Variants in ACER1 observed in about 807,000 individuals in gnomAD.
ACER1 encodes the protein CTB-180A7.3.
ACER1 carries 28 observed loss-of-function variants against 24.9 expected under a neutral mutation model. The observed-to-expected ratio is 1.13, with a 90% confidence interval of 0.83 to 1.54. The LOEUF (loss-of-function observed/expected upper bound fraction) is 1.54. ACER1 is among the 40% of genes most tolerant of loss of function. The pLI, the probability that ACER1 is intolerant of heterozygous loss-of-function variation, is 0.00. For missense variants in ACER1, 352 were observed against 349.3 expected (o/e 1.01, Z -0.06); for synonymous variants, 132 against 131.4 (o/e 1.00, Z -0.03).
At chr19:6,332,292 A>T (rs1437214969) in intron 1 of ACER1, among the ~76,000 whole-genome samples, 23 of 102,762 alleles carry the variant, frequency 2.2e-4, no homozygotes, top group African/African-American at 8.6e-4. Flanking sequence ...TTTTTTTGAG[A>T]CAGGGTCTCC....
At chr19:6,330,413 C>T (rs771864761) in intron 1 of ACER1, among the ~76,000 whole-genome samples, 2 of 150,146 alleles carry the variant, frequency 1.3e-5, no homozygotes, top group Non-Finnish European at 2.9e-5. Context: ...AATGATCTAC[C>T]TGCCTCGGCC....
chr19:6,336,837 A>G (rs1296512956), upstream of ACER1, among the ~76,000 whole-genome samples: 4 of 148,326 alleles, frequency 2.7e-5, no homozygotes, highest in Non-Finnish European at 5.9e-5. Flanking sequence ...AAAAAAAAAA[A>G]GAAAAAGAAA....
intron 1 of ACER1, among the ~76,000 whole-genome samples, chr19:6,325,912 T>C (rs1452473711): frequency 6.6e-6 from 1 of 151,962 alleles, no homozygotes; most frequent in Non-Finnish European, 1.5e-5. Context: ...TCATTCTTTT[T>C]AGATTTGGTT....
chr19:6,321,140 C>CT (rs879600910), intron 1 of ACER1, among the ~76,000 whole-genome samples: 232 of 144,032 alleles, frequency 1.6e-3, no homozygotes, highest in Admixed American at 1.7e-3. Context: ...AATTTTCTTT[C>CT]TTTTTTTTTT....
Position 6,307,214 on chromosome 19 carries a change from T to C in ACER1, c.565A>G (p.Ser189Gly). The C allele has an allele frequency of 6.2e-7, 1 of 1,614,178 alleles. No homozygotes were observed. Among genetic ancestry groups the C allele is most frequent in the Middle Eastern group, 1.6e-4 (1 of 6,062 alleles). ...CAGAAGCTGCAAAGCAGACGGTCACTGATCCAGCTGGTCAGAGCAACAGCC... is the reference window on the plus strand; with the variant it reads ...CAGAAGCTGCAAAGCAGACGGTCACCGATCCAGCTGGTCAGAGCAACAGCC... ...LWAVALTSWI[S>G]DRLLCSFWQR... is the part of the protein sequence containing the mutation. The change falls in exon 5 of 6, where the codon AGT (serine) becomes GGT (glycine). Residue 189 changes from serine (S) to glycine (G), a missense_variant. Transcript: ENST00000301452.
intron 4 of ACER1, among the ~76,000 whole-genome samples, chr19:6,308,621 C>A (rs1036989626): frequency 1.5e-4 from 23 of 152,128 alleles, no homozygotes; most frequent in African/African-American, 5.1e-4. Context: ...CCAACAAGCC[C>A]TTTGGTGCTT....
chr19:6,330,289 T>A lies in ACER1; in HGVS notation c.93+3170A>T, dbSNP rs2091680900. ...TTCAAGTGATTGTCGTGCCTCAGCC[T>A]CCCCAGTAGCAGGGATTATAGGCAT... is the stretch of plus-strand genomic sequence containing the variant. On this transcript the variant is annotated intron_variant, in intron 1 of 5. Coordinates refer to ENST00000301452, the MANE Select transcript of ACER1 (RefSeq NM_133492.3). 1.3e-5 allele frequency among the ~76,000 whole-genome samples: 2 copies of A among 150,078 alleles called. 1 individual carries two copies. Among genetic ancestry groups the A allele is most frequent in the African/African-American group, 5.0e-5 (2 of 39,640 alleles).
At chr19:6,341,187 A>G in the ACER1 span, among the ~76,000 whole-genome samples, 4 of 146,200 alleles carry the variant, frequency 2.7e-5, no homozygotes, top group African/African-American at 1.0e-4. Flanking sequence ...TGTAACCTCC[A>G]CCTCCAGGGT....
chr19:6,346,058 C>T, the ACER1 span, among the ~76,000 whole-genome samples: 1 of 152,068 alleles, frequency 6.6e-6, no homozygotes. Context: ...GGGTTAATTC[C>T]ATGACTTACT....
chr19:6,333,699 G>T, upstream of ACER1: 1 of 608,738 alleles, frequency 1.6e-6, no homozygotes, highest in Non-Finnish European at 2.9e-6. Context: ...CCGCTCCCCA[G>T]TTGCACCAGG....
intron 1 of ACER1, among the ~76,000 whole-genome samples, chr19:6,329,316 A>G (rs1311104104): frequency 2.0e-5 from 3 of 149,700 alleles, no homozygotes; most frequent in Non-Finnish European, 4.4e-5. Context: ...CTCTGATTCT[A>G]TTCCTCATCC....
intron 1 of ACER1, among the ~76,000 whole-genome samples, chr19:6,331,032 C>T (rs2091684278): frequency 6.7e-6 from 1 of 149,772 alleles, no homozygotes; most frequent in Non-Finnish European, 1.5e-5. Context: ...TGTTTTATCA[C>T]CTGGAAAATG....
chr19:6,348,623 G>C, the ACER1 span, among the ~76,000 whole-genome samples: 1 of 150,382 alleles, frequency 6.6e-6, no homozygotes, highest in Non-Finnish European at 1.5e-5. Flanking sequence ...TATGGGTTTT[G>C]ATATCGACAT....
Position 6,306,736 on chromosome 19 carries a change from C to G in ACER1, c.773G>C (p.Arg258Pro). 1 of 1,611,962 alleles carries G rather than the reference C, an allele frequency of 6.2e-7. No homozygotes were observed. The highest frequency in any genetic ancestry group is 8.5e-7 in the Non-Finnish European group (1 of 1,178,734). Reference sequence around the variant, plus strand: ...GTCTCAGCAGTCCTTGTCATCACCCCGGATTTCCACGTAGGGCAGCCCCAC... The same window carrying G: ...GTCTCAGCAGTCCTTGTCATCACCCGGGATTTCCACGTAGGGCAGCCCCAC... ...WPVGLPYVEIRGDDKDC is the reference protein window; with the variant it reads ...WPVGLPYVEIPGDDKDC The change falls in exon 6 of 6, where the codon CGG (arginine) becomes CCG (proline). Residue 258 changes from arginine to proline, a missense_variant. Coordinates refer to ENST00000301452, the MANE Select transcript of ACER1 (RefSeq NM_133492.3).
the ACER1 span, among the ~76,000 whole-genome samples, chr19:6,353,760 G>A: frequency 3.3e-5 from 5 of 151,982 alleles, no homozygotes; most frequent in Non-Finnish European, 7.4e-5. Context: ...GCAAGGGAGA[G>A]GTGGCAGTGA....
chr19:6,352,502 C>G, the ACER1 span, among the ~76,000 whole-genome samples: 1 of 152,270 alleles, frequency 6.6e-6, no homozygotes, highest in East Asian at 1.9e-4. Context: ...CCTAGCTGAG[C>G]CCAGTGCAGA....
intron 1 of ACER1, among the ~76,000 whole-genome samples, chr19:6,325,294 G>A (rs1453222218): frequency 6.6e-6 from 1 of 152,140 alleles, no homozygotes; most frequent in Non-Finnish European, 1.5e-5. Context: ...CCCATCGACT[G>A]GGGAGACTCC....
chr19:6,320,142 G>C (rs2091622972), intron 1 of ACER1, among the ~76,000 whole-genome samples: 1 of 148,562 alleles, frequency 6.7e-6, no homozygotes, highest in South Asian at 2.1e-4. Flanking sequence ...AAAGTTTGTT[G>C]AATACATCTC....
rs1600233839 is a variant in ACER1, at chr19:6,309,632, T to A, written c.488+65A>T. The A allele has an allele frequency of 1.1e-5, 18 of 1,601,194 alleles. No individual in the cohort carries two copies. In the East Asian group the frequency reaches 4.0e-4, roughly 36 times the overall value. ...AGAAGGGACGTCCCCTCCGCGAGCC[T>A]GGAGTCAGGGGTGCTAGGAGGGGGA... On this transcript the variant is annotated intron_variant, in intron 4 of 5. Coordinates refer to ENST00000301452, the MANE Select transcript of ACER1 (RefSeq NM_133492.3).
Sources: gnomAD v4.1 joint callset for allele counts (sites outside exome capture counted in the v4.1 genomes callset) on GRCh38, gnomAD v4.1.1 for gene constraint, MANE v1.5 for transcripts, NCBI Gene and HGNC (gene_info 2026-07-23, HGNC 2026-07-21) for gene names.